The following EIF5B variants were observed in gnomAD, a reference collection of about 807,000 sequenced individuals.
The protein encoded by EIF5B is eIF-5B.
In EIF5B, 47 loss-of-function variants were observed where a neutral mutation model predicts 147.5. The observed-to-expected ratio is 0.32, with a 90% confidence interval of 0.25 to 0.41. The LOEUF (loss-of-function observed/expected upper bound fraction) is 0.41. EIF5B is among the 10% of genes least tolerant of loss of function. The pLI is 1.00. For missense variants in EIF5B, 1,064 were observed against 1,413.2 expected, an observed-to-expected ratio of 0.75 and a Z score of 3.96; for synonymous variants, 455 against 456.2, an observed-to-expected ratio of 1.00 and a Z score of 0.03.
Position 99,337,432 on chromosome 2 carries a change from C to G in EIF5B, c.-123C>G, listed in dbSNP as rs920624291. 26 of 1,248,110 alleles carry G rather than the reference C, an allele frequency of 2.1e-5. No individual in the cohort carries two copies. The highest frequency in any genetic ancestry group is 2.8e-5 in the Non-Finnish European group (24 of 871,884). The allele number at this position is 1,248,110 out of a possible 1,614,324, so 77.3% of individuals were successfully genotyped here. Reference sequence around the variant, plus strand: ...TCCAGTGCGCGGGTCTGTGGAGAGCCGGGTGCGAGCGGCGGCAGCACGAGG... The same window carrying G: ...TCCAGTGCGCGGGTCTGTGGAGAGCGGGGTGCGAGCGGCGGCAGCACGAGG... On this transcript the variant is annotated 5_prime_UTR_variant, in exon 1 of 24. Coordinates refer to ENST00000289371, the MANE Select transcript of EIF5B (RefSeq NM_015904.4).
chr2:99,360,178 AAATG>A, intron 1 of EIF5B, 54 bp from the exon 2 acceptor site: 2 of 1,541,646 alleles, frequency 1.3e-6, no homozygotes, highest in Non-Finnish European at 1.7e-6. Flanking sequence ...AAATCTATAT[AAATG>A]AATGATTATT....
rs1376796237 is a variant in EIF5B, at chr2:99,361,764, A to C, written c.863A>C (p.Asp288Ala). 6 of 1,579,404 alleles carry C rather than the reference A, an allele frequency of 3.8e-6. No individual in the cohort carries two copies. The highest frequency in any genetic ancestry group is 2.1e-5 in the Admixed American group (1 of 48,500). ...ACTGTAAAATCCAAAGTGACTGTTG[A>C]TACTGGAGTAATTCCTGCCTCTGAA... ...EETVKSKVTV[D>A]TGVIPASEEK... The change falls in exon 4 of 24, where the codon GAT (aspartate) becomes GCT (alanine). Residue 288 changes from aspartate to alanine, a missense_variant. Around this residue, in one of 4 missense-constraint regions of EIF5B, gnomAD observed 458 missense variants for 451.3 expected, o/e 1.01. Transcript: ENST00000289371.
chr2:99,338,822 A>G (rs1173842450), intron 1 of EIF5B, among the ~76,000 whole-genome samples: 2 of 151,748 alleles, frequency 1.3e-5, no homozygotes, highest in Non-Finnish European at 2.9e-5. Context: ...TCTAGAAAAT[A>G]GAGAACTGAG....
intron 21 of EIF5B, among the ~76,000 whole-genome samples, chr2:99,395,531 C>T (rs906655810): frequency 1.3e-5 from 2 of 152,170 alleles, no homozygotes; most frequent in African/African-American, 4.8e-5. Flanking sequence ...GATAGGGTTT[C>T]GCCATGTTGG....
In EIF5B at chr2:99,396,746, T is replaced by A; in HGVS notation, c.3255-14T>A. The stretch of plus-strand genomic sequence containing the variant: ...ATTCTGTAAGCTTAAAATTCTTTTC[T>A]TTTTTCCTTTCAGGCACATAGCAGT... On this transcript the variant is annotated splice_polypyrimidine_tract_variant and intron_variant, in intron 21 of 23. Transcript: ENST00000289371. 6.3e-7 allele frequency: 1 copy of A among 1,581,382 alleles called. No homozygotes were observed. The highest frequency in any genetic ancestry group is 2.2e-5 in the East Asian group (1 of 44,676).
chr2:99,339,728 T>C (rs915928594), intron 1 of EIF5B, among the ~76,000 whole-genome samples: 5 of 152,104 alleles, frequency 3.3e-5, no homozygotes, highest in African/African-American at 7.2e-5. Context: ...AAAAAAGCCA[T>C]TGGGAGACAA....
At chr2:99,395,077 G>T (rs893614001) in intron 21 of EIF5B, among the ~76,000 whole-genome samples, 194 bp downstream of exon 21, 1 of 152,202 alleles carries the variant, frequency 6.6e-6, no homozygotes, top group African/African-American at 2.4e-5. Flanking sequence ...AACAAGTCTT[G>T]TCTGTGACTT....
At chr2:99,374,090 A>G (rs1674513269) in intron 9 of EIF5B, among the ~76,000 whole-genome samples, 1 of 152,134 alleles carries the variant, frequency 6.6e-6, no homozygotes, top group African/African-American at 2.4e-5. Context: ...GGAGATTGAG[A>G]TTAGCCTGGC....
intron 1 of EIF5B, among the ~76,000 whole-genome samples, chr2:99,340,874 A>G (rs2094257910): frequency 6.6e-6 from 1 of 151,810 alleles, no homozygotes; most frequent in Non-Finnish European, 1.5e-5. Context: ...GGCTCAAGCG[A>G]TTCTCCTGCC....
intron 9 of EIF5B, 119 bp downstream of exon 9, chr2:99,371,849 T>A: frequency 1.1e-6 from 1 of 908,584 alleles, no homozygotes; most frequent in Non-Finnish European, 1.5e-6. Context: ...GGGATAGGGA[T>A]AAGTCTCTTG....
chr2:99,396,829 A>G lies in EIF5B; in HGVS notation c.3324A>G (p.Ile1108Met). The G allele has an allele frequency of 6.2e-7, 1 of 1,613,716 alleles. No individual in the cohort carries two copies. Among genetic ancestry groups the G allele is most frequent in the Non-Finnish European group, 8.5e-7 (1 of 1,179,860 alleles). ...ACATTTTTAATTCTCGAGATCCGATAGTGATGGGGGTGACGGTGGAAGCAG... is the reference window on the plus strand; with the variant it reads ...ACATTTTTAATTCTCGAGATCCGATGGTGATGGGGGTGACGGTGGAAGCAG... The part of the protein sequence containing the change: ...PQYIFNSRDP[I>M]VMGVTVEAGQ... Residue 1108 changes from isoleucine to methionine, a missense_variant, in exon 22 of 24, where the codon ATA becomes ATG. By Grantham distance (10) the Ile-to-Met change is conservative. Around this residue, in one of 4 missense-constraint regions of EIF5B, gnomAD observed 380 missense variants for 715.6 expected, o/e 0.53. Coordinates refer to ENST00000289371, the MANE Select transcript of EIF5B (RefSeq NM_015904.4).
chr2:99,344,176 T>A (rs996818067), intron 1 of EIF5B, among the ~76,000 whole-genome samples: 1 of 152,070 alleles, frequency 6.6e-6, no homozygotes, highest in Non-Finnish European at 1.5e-5. Flanking sequence ...CGCCTCGGCC[T>A]CCTGAAGTGC....
At chr2:99,376,788 T>G in intron 10 of EIF5B, 152 bp downstream of exon 10, 1 of 1,321,090 alleles carries the variant, frequency 7.6e-7, no homozygotes, top group Non-Finnish European at 9.8e-7. Context: ...ATTACTGGCC[T>G]TTGATACTGG....
chr2:99,356,790 C>T (rs1674105907), intron 1 of EIF5B, among the ~76,000 whole-genome samples: 1 of 152,150 alleles, frequency 6.6e-6, no homozygotes, highest in Non-Finnish European at 1.5e-5. Flanking sequence ...TTGGTATTGT[C>T]AGTTTCTTGG....
intron 10 of EIF5B, among the ~76,000 whole-genome samples, 163 bp from the exon 11 acceptor site, chr2:99,378,856 G>T (rs1311100119): frequency 6.6e-6 from 1 of 152,160 alleles, no homozygotes; most frequent in Admixed American, 6.5e-5. Context: ...ATGGGAATTC[G>T]ATTGTAAAGT....
chr2:99,359,407 C>CTA (rs1382258065), intron 1 of EIF5B, among the ~76,000 whole-genome samples: 5 of 151,922 alleles, frequency 3.3e-5, no homozygotes, highest in Non-Finnish European at 7.4e-5. Flanking sequence ...CTTTACTGAA[C>CTA]TAAAGCATCT....
intron 4 of EIF5B, among the ~76,000 whole-genome samples, chr2:99,363,352 A>C (rs1377882684): frequency 6.6e-6 from 1 of 152,186 alleles, no homozygotes; most frequent in African/African-American, 2.4e-5. Flanking sequence ...GAGATACATT[A>C]GGTACAGGAT....
At chr2:99,399,269 A>C (rs369035325) in intron 23 of EIF5B, 38 bp from the exon 24 acceptor site, 58 of 1,593,496 alleles carry the variant, frequency 3.6e-5, no homozygotes, top group Middle Eastern at 3.3e-4. Context: ...CACGTTTGTT[A>C]TGTTCTGTTT....
chr2:99,376,435 TGAA>T lies in EIF5B; in HGVS notation c.1647_1649del (p.Glu554del), dbSNP rs776558641. On this transcript the variant is annotated inframe_deletion, in exon 10 of 24. Transcript: ENST00000289371. ...AAGAGGAAGAAGAAGATGAAGAAAG[TGAA>T]GAAGAGGAGGAAGAGGAGGGAGAAA... 4.5e-5 allele frequency: 71 copies of T among 1,581,292 alleles called. No homozygotes were observed. The highest frequency in any genetic ancestry group is 8.2e-5 in the African/African-American group (6 of 73,320).
Sources: allele counts gnomAD v4.1 joint callset (sites outside exome capture counted in the v4.1 genomes callset), GRCh38; gene constraint gnomAD v4.1.1; regional missense constraint gnomAD v4.1.1; transcripts MANE v1.5; gene names NCBI Gene and HGNC (gene_info 2026-07-23, HGNC 2026-07-21).